The following LINGO2 variants were observed in gnomAD, a reference collection of about 807,000 sequenced individuals.
LINGO2 encodes the protein leucine-rich repeat and immunoglobulin-like domain-containing nogo receptor-interacting protein 2.
A neutral mutation model predicts 30.6 loss-of-function variants in LINGO2; 14 were observed. The observed-to-expected ratio is 0.46, with a 90% confidence interval of 0.30 to 0.72. The LOEUF (loss-of-function observed/expected upper bound fraction) is 0.72, where lower values mean the gene tolerates loss of function less well. LINGO2 is among the 30% of genes least tolerant of loss of function. The pLI is 0.07. For missense variants in LINGO2, 729 were observed against 751.7 expected (o/e 0.97, Z 0.35); for synonymous variants, 317 against 288.5 (o/e 1.10, Z -1.00).
At chr9:28,457,435 G>A (rs1448585700) in intron 2 of LINGO2, among the ~76,000 whole-genome samples, 1 of 152,030 alleles carries the variant, frequency 6.6e-6, no homozygotes, top group Non-Finnish European at 1.5e-5. Flanking sequence ...CTGTTTTAGA[G>A]ATGGGGTCTC....
intron 2 of LINGO2, among the ~76,000 whole-genome samples, chr9:28,409,141 C>T (rs1038427197): frequency 1.3e-5 from 2 of 151,938 alleles, no homozygotes; most frequent in African/African-American, 2.4e-5. Flanking sequence ...GAACACATGG[C>T]TCATGTGTTT....
At chr9:29,212,133 G>C in the LINGO2 span, among the ~76,000 whole-genome samples, 1 of 152,272 alleles carries the variant, frequency 6.6e-6, no homozygotes, top group East Asian at 1.9e-4. Context: ...TCTCATCCCC[G>C]AAGTGGCTCC....
chr9:28,216,140 G>A (rs1483759486), intron 4 of LINGO2, among the ~76,000 whole-genome samples: 1 of 151,872 alleles, frequency 6.6e-6, no homozygotes, highest in Non-Finnish European at 1.5e-5. Flanking sequence ...CTGTTAAACT[G>A]TCATGTTAGT....
intron 1 of LINGO2, among the ~76,000 whole-genome samples, chr9:28,561,283 G>A (rs73441461): frequency 0.041 from 6,265 of 151,594 alleles, 362 homozygotes; most frequent in African/African-American, 0.13. Flanking sequence ...TAGAGTTACC[G>A]TTAAAAAAAA....
intron 5 of LINGO2, among the ~76,000 whole-genome samples, chr9:27,966,084 CTATT>C (rs1290277863): frequency 2.0e-5 from 3 of 151,940 alleles, no homozygotes; most frequent in Non-Finnish European, 4.4e-5. Flanking sequence ...ATTATTATCA[CTATT>C]TAGGCAAAGG....
At chr9:28,609,298 T>C (rs1427519338) in intron 1 of LINGO2, among the ~76,000 whole-genome samples, 1 of 151,718 alleles carries the variant, frequency 6.6e-6, no homozygotes, top group African/African-American at 2.4e-5. Context: ...TTCATAATAA[T>C]ATGGTGGGTG....
At chr9:28,897,165 T>C in the LINGO2 span, among the ~76,000 whole-genome samples, 2 of 152,174 alleles carry the variant, frequency 1.3e-5, no homozygotes, top group Non-Finnish European at 2.9e-5. Flanking sequence ...GTCTCACACA[T>C]ACTTGTGCAC....
At chr9:28,861,372 C>T in the LINGO2 span, among the ~76,000 whole-genome samples, 1 of 133,162 alleles carries the variant, frequency 7.5e-6, no homozygotes, top group African/African-American at 2.8e-5. Context: ...TATATATACA[C>T]ACAAAAATCT....
the LINGO2 span, among the ~76,000 whole-genome samples, chr9:28,773,458 TA>T: frequency 6.6e-6 from 1 of 151,874 alleles, no homozygotes; most frequent in African/African-American, 2.4e-5. Context: ...ACTATTTATA[TA>T]AGGAAAAAAA....
the LINGO2 span, among the ~76,000 whole-genome samples, chr9:28,943,048 A>T: frequency 4.6e-5 from 7 of 152,204 alleles, no homozygotes; most frequent in Admixed American, 2.6e-4. Context: ...TGTAGTAAGC[A>T]ACCAGCTATG....
At chr9:29,154,272 C>T in the LINGO2 span, among the ~76,000 whole-genome samples, 3 of 149,664 alleles carry the variant, frequency 2.0e-5, no homozygotes, top group East Asian at 2.0e-4. Context: ...ACGGTGAAAC[C>T]CCGTCTCTAC....
At chr9:28,559,873 A>G (rs986853722) in intron 1 of LINGO2, among the ~76,000 whole-genome samples, 1 of 152,018 alleles carries the variant, frequency 6.6e-6, no homozygotes, top group African/African-American at 2.4e-5. Flanking sequence ...GGAATCTAGG[A>G]AAAACAGAGA....
At position 28,562,743 on chromosome 9, in the gene LINGO2, G is replaced by C. The variant is rs73441463; in HGVS notation, c.-364-86718C>G. On this transcript the variant is annotated intron_variant, in intron 1 of 5. Transcript: ENST00000379992. ...CAGATTTTATATTTTAAAAGCTTTGGACAGGATAGACACAAATAGCTTTTA... is the reference window on the plus strand; with the variant it reads ...CAGATTTTATATTTTAAAAGCTTTGCACAGGATAGACACAAATAGCTTTTA... Among the ~76,000 whole-genome samples, 346 of 152,054 alleles carry C rather than the reference G, an allele frequency of 2.3e-3. 1 individual carries two copies. The highest frequency in any genetic ancestry group is 8.2e-3 in the African/African-American group (339 of 41,504).
chr9:29,120,506 C>T, the LINGO2 span, among the ~76,000 whole-genome samples: 37,119 of 151,954 alleles, frequency 0.24, 4,715 homozygotes, highest in East Asian at 0.44. Context: ...TAAATAAAAC[C>T]TACAAAGGAT....
intron 1 of LINGO2, among the ~76,000 whole-genome samples, chr9:28,490,905 A>C (rs2135266244): frequency 6.6e-6 from 1 of 152,304 alleles, no homozygotes; most frequent in Admixed American, 6.5e-5. Context: ...GGTGTATGTA[A>C]AAGATGTTTA....
chr9:29,161,113 C>T, the LINGO2 span, among the ~76,000 whole-genome samples: 1 of 152,200 alleles, frequency 6.6e-6, no homozygotes, highest in African/African-American at 2.4e-5. Flanking sequence ...AGTTAAGCTG[C>T]TGACCATGAA....
chr9:29,105,290 G>A, the LINGO2 span, among the ~76,000 whole-genome samples: 15 of 152,212 alleles, frequency 9.9e-5, no homozygotes, highest in African/African-American at 2.2e-4. Context: ...AAATTGTCAC[G>A]TCAGTTTAAG....
intron 4 of LINGO2, among the ~76,000 whole-genome samples, chr9:28,199,066 G>C (rs1820120906): frequency 6.6e-6 from 1 of 152,120 alleles, no homozygotes; most frequent in African/African-American, 2.4e-5. Flanking sequence ...GTCACCATCT[G>C]TAATACCATT....
chr9:29,183,424 C>T, the LINGO2 span, among the ~76,000 whole-genome samples: 1 of 152,184 alleles, frequency 6.6e-6, no homozygotes, highest in South Asian at 2.1e-4. Context: ...TCCCCAGCAT[C>T]ATTTGATAGT....
Sources: gnomAD v4.1 joint callset for allele counts (sites outside exome capture counted in the v4.1 genomes callset) on GRCh38, gnomAD v4.1.1 for gene constraint, MANE v1.5 for transcripts, NCBI Gene and HGNC (gene_info 2026-07-23, HGNC 2026-07-21) for gene names.